The following PCDHA10 variants were observed in gnomAD, a reference collection of about 807,000 sequenced individuals.
The protein encoded by PCDHA10 is protocadherin alpha 10.
In PCDHA10, 45 loss-of-function variants were observed where a neutral mutation model predicts 61.2. The ratio of observed to expected loss-of-function variants is 0.74; its 90% CI spans 0.58 to 0.94. The LOEUF is 0.94. Ranked by LOEUF, PCDHA10 falls within the 40% of genes least tolerant of loss-of-function variation. The pLI is 0.00. For synonymous variants in PCDHA10, 602 were observed against 548.8 expected (o/e 1.10, Z -1.35); for missense variants, 1,278 against 1,236.2 (o/e 1.03, Z -0.51).
At chr5:140,895,691 T>C (rs571770501) in intron 1 of PCDHA10, among the ~76,000 whole-genome samples, 3 of 152,322 alleles carry the variant, frequency 2.0e-5, no homozygotes, top group South Asian at 4.1e-4. Flanking sequence ...TCTGTTTCTA[T>C]ATTAATTCAC....
chr5:140,986,220 T>C (rs2097190951), intron 3 of PCDHA10, among the ~76,000 whole-genome samples: 1 of 152,194 alleles, frequency 6.6e-6, no homozygotes, highest in African/African-American at 2.4e-5. Flanking sequence ...CCCCTTTCTC[T>C]AGCCTCCCCT....
Position 141,009,995 on chromosome 5 carries a change from C to T in PCDHA10, c.*58C>T, listed in dbSNP as rs1178395504. 6.3e-7 allele frequency: 1 copy of T among 1,576,476 alleles called. No individual in the cohort carries two copies. The highest frequency in any genetic ancestry group is 8.6e-7 in the Non-Finnish European group (1 of 1,165,244). ...TTTTTGTAATAATGGCAAATCTCTC[C>T]CATGTAGCAATTCCCTGCTCCTTTT... On this transcript the variant is annotated 3_prime_UTR_variant, in exon 4 of 4. Coordinates refer to ENST00000307360, the MANE Select transcript of PCDHA10 (RefSeq NM_018901.4).
At position 140,856,513 on chromosome 5, in the gene PCDHA10, C is replaced by A. The variant is rs17844340; in HGVS notation, c.465C>A (p.Gly155=). ...TTGACTCTCGATTTCCACTAGAAGG[C>A]GCATCTGATGCGGATGTTGGAGAGA... ...RLLDSRFPLE[G]ASDADVGENA... is the part of the protein sequence containing the mutation. The change falls in exon 1 of 4, where the codon GGC becomes GGA. Residue 155 remains glycine, a synonymous_variant. Transcript: ENST00000307360. 3 of 1,598,242 alleles carry A rather than the reference C, an allele frequency of 1.9e-6. No individual in the cohort carries two copies. The highest frequency in any genetic ancestry group is 2.6e-6 in the Non-Finnish European group (3 of 1,167,870).
chr5:140,883,693 C>T (rs2059756382), intron 1 of PCDHA10: 2 of 1,613,790 alleles, frequency 1.2e-6, no homozygotes, highest in Non-Finnish European at 1.7e-6. Flanking sequence ...GCCACATCTT[C>T]ACGGTGTCTG....
At chr5:141,009,488 C>T (rs2098409682) in intron 3 of PCDHA10, 139 bp from the exon 4 acceptor site, 4 of 1,469,622 alleles carry the variant, frequency 2.7e-6, no homozygotes, top group Non-Finnish European at 3.6e-6. Context: ...CTTGCCTTGC[C>T]CTCAGACTTG....
At chr5:140,966,642 G>C (rs897727830) in intron 1 of PCDHA10, 15 of 1,117,790 alleles carry the variant, frequency 1.3e-5, no homozygotes, top group Non-Finnish European at 1.8e-5. Context: ...GCGCTTTCTA[G>C]AGCGTGAGCG....
chr5:140,856,168 C>A lies in PCDHA10; in HGVS notation c.120C>A (p.His40Gln). ...ACTCAGTCTACGAGGAGGCCAGACACGGCACCTTCGTGGGCCGCATCGCGC... is the reference window on the plus strand; with the variant it reads ...ACTCAGTCTACGAGGAGGCCAGACAAGGCACCTTCGTGGGCCGCATCGCGC... ...LHYSVYEEAR[H>Q]GTFVGRIAQD... The change falls in exon 1 of 4, where the codon CAC (histidine) becomes CAA (glutamine). Residue 40 changes from histidine to glutamine, a missense_variant. His to Gln is a conservative substitution (Grantham distance 24). Coordinates refer to ENST00000307360, the MANE Select transcript of PCDHA10 (RefSeq NM_018901.4). 1 of 1,598,314 alleles carries A rather than the reference C, an allele frequency of 6.3e-7. No homozygotes were observed. The highest frequency in any genetic ancestry group is 8.6e-7 in the Non-Finnish European group (1 of 1,167,904).
At position 141,010,952 on chromosome 5, in the gene PCDHA10, T is replaced by C. The variant is rs1217882818; in HGVS notation, c.*1015T>C. On this transcript the variant is annotated 3_prime_UTR_variant, in exon 4 of 4. Coordinates refer to ENST00000307360, the MANE Select transcript of PCDHA10 (RefSeq NM_018901.4). ...AGTCTACAGCCATTTAAATGATCAT[T>C]GCTGCTACAGAAGTGCTTTAAGAGA... 1 of 153,792 alleles carries C rather than the reference T, an allele frequency of 6.5e-6. No individual in the cohort carries two copies. Among genetic ancestry groups the C allele is most frequent in the East Asian group, 1.9e-4 (1 of 5,194 alleles). The allele number at this position is 153,792 out of a possible 1,614,324, so 9.5% of individuals were successfully genotyped here. A position where few individuals can be genotyped will look rare whatever the true frequency, so the allele number is the denominator to read the frequency against.
chr5:140,969,184 C>A (rs1381646688), intron 1 of PCDHA10: 1 of 1,613,998 alleles, frequency 6.2e-7, no homozygotes, highest in Non-Finnish European at 8.5e-7. Flanking sequence ...GTGACACTTT[C>A]ATGTTTTACA....
chr5:140,876,708 C>T, intron 1 of PCDHA10: 7 of 1,614,220 alleles, frequency 4.3e-6, no homozygotes, highest in African/African-American at 1.3e-5. Context: ...TGGACAGCGC[C>T]CTGGACCGCG....
At chr5:140,869,288 G>C (rs950790626) in intron 1 of PCDHA10, 2 of 1,613,578 alleles carry the variant, frequency 1.2e-6, no homozygotes, top group South Asian at 1.1e-5. Flanking sequence ...CTGGTGCAGC[G>C]CCTGTTCCGG....
intron 1 of PCDHA10, among the ~76,000 whole-genome samples, chr5:140,953,024 G>A (rs2094834462): frequency 6.6e-6 from 1 of 152,026 alleles, no homozygotes; most frequent in South Asian, 2.1e-4. Context: ...AACATTAAGG[G>A]GGAAATCCAC....
intron 1 of PCDHA10, among the ~76,000 whole-genome samples, chr5:140,977,305 AC>A (rs1424604910): frequency 6.6e-6 from 1 of 152,258 alleles, no homozygotes; most frequent in African/African-American, 2.4e-5. Flanking sequence ...TGACAAGCTA[AC>A]GATAGTGCTC....
intron 1 of PCDHA10, chr5:140,929,687 C>T (rs2086294433): frequency 3.5e-6 from 1 of 288,138 alleles, no homozygotes; most frequent in African/African-American, 2.2e-5. Flanking sequence ...ATGTAAGAGT[C>T]TGCTTTATAT....
At chr5:140,914,921 T>C (rs895344325) in intron 1 of PCDHA10, among the ~76,000 whole-genome samples, 1 of 151,508 alleles carries the variant, frequency 6.6e-6, no homozygotes, top group Non-Finnish European at 1.5e-5. Context: ...TGTGTCTTAT[T>C]GTACTATGTT....
chr5:140,919,120 C>G (rs1554198933), intron 1 of PCDHA10, among the ~76,000 whole-genome samples: 2 of 152,008 alleles, frequency 1.3e-5, no homozygotes, highest in African/African-American at 4.8e-5. Context: ...CCAGTTTTTG[C>G]TTCATGTGTT....
chr5:140,935,828 A>G (rs1365293166), intron 1 of PCDHA10, among the ~76,000 whole-genome samples: 1 of 152,004 alleles, frequency 6.6e-6, no homozygotes, highest in Non-Finnish European at 1.5e-5. Context: ...GTATTTACAC[A>G]TATTCCATAC....
rs782568724 is a variant in PCDHA10, at chr5:140,927,659, A to C, written c.2389-51290A>C. Reference sequence around the variant, plus strand: ...AATGGGACTGTGTTATTCCGAGTTCAAGCCTTGGATCCAGATGAAGGGTCC... The same window carrying C: ...AATGGGACTGTGTTATTCCGAGTTCCAGCCTTGGATCCAGATGAAGGGTCC... On this transcript the variant is annotated intron_variant, in intron 1 of 3. Coordinates refer to ENST00000307360, the MANE Select transcript of PCDHA10 (RefSeq NM_018901.4). 4 of 1,614,108 alleles carry C rather than the reference A, an allele frequency of 2.5e-6. No homozygotes were observed. In the East Asian group the frequency reaches 6.7e-5, roughly 27 times the overall value.
At chr5:140,883,892 G>T in intron 1 of PCDHA10, 3 of 1,613,362 alleles carry the variant, frequency 1.9e-6, no homozygotes, top group Non-Finnish European at 1.7e-6. Context: ...CGACTCTGGC[G>T]TGCCGCCTCT....
Sources: gnomAD v4.1 joint callset for allele counts (sites outside exome capture counted in the v4.1 genomes callset) on GRCh38, gnomAD v4.1.1 for gene constraint, MANE v1.5 for transcripts, NCBI Gene and HGNC (gene_info 2026-07-23, HGNC 2026-07-21) for gene names.